The following XRN1 variants were observed in gnomAD, a reference collection of about 807,000 sequenced individuals.
XRN1 encodes the protein 5'-3' exoribonuclease 1.
XRN1 carries 67 observed loss-of-function variants against 222.3 expected under a neutral mutation model. That is an observed-to-expected ratio of 0.30 (90% CI 0.25 to 0.37). The LOEUF (loss-of-function observed/expected upper bound fraction) is 0.37. Among genes scored for constraint, XRN1 ranks in the 10% least tolerant of loss-of-function variants. The pLI, the probability that XRN1 is intolerant of heterozygous loss-of-function variation, is 1.00. For missense variants in XRN1, 1,707 were observed against 2,000.2 expected, an observed-to-expected ratio of 0.85 and a Z score of 2.80; for synonymous variants, 643 against 652.4, an observed-to-expected ratio of 0.99 and a Z score of 0.22.
At chr3:142,441,729 C>T (rs2070223228) in intron 1 of XRN1, among the ~76,000 whole-genome samples, 1 of 152,180 alleles carries the variant, frequency 6.6e-6, no homozygotes, top group Admixed American at 6.5e-5. Context: ...CTTGAAGGGC[C>T]AGTGTTGCGA....
chr3:142,354,929 T>G (rs560484314), intron 32 of XRN1, among the ~76,000 whole-genome samples: 1 of 152,238 alleles, frequency 6.6e-6, no homozygotes, highest in Non-Finnish European at 1.5e-5. Flanking sequence ...TGCAGCAACA[T>G]GGGTGGAACT....
intron 30 of XRN1, among the ~76,000 whole-genome samples, chr3:142,357,930 C>T (rs968680970): frequency 6.6e-6 from 1 of 151,960 alleles, no homozygotes; most frequent in Admixed American, 6.6e-5. Flanking sequence ...CCCAGCTACC[C>T]GGGAGGCTGA....
chr3:142,335,066 C>T (rs2065816834), intron 34 of XRN1, among the ~76,000 whole-genome samples: 1 of 151,926 alleles, frequency 6.6e-6, no homozygotes, highest in South Asian at 2.1e-4. Flanking sequence ...GTCTCGAACT[C>T]CTGACCTCAG....
chr3:142,319,351 A>T lies in XRN1; in HGVS notation c.4405-448T>A, dbSNP rs563709002. 3.9e-5 allele frequency among the ~76,000 whole-genome samples: 6 copies of T among 152,138 alleles called. No individual in the cohort carries two copies. The East Asian group carries it at 1.2e-3, about 29-fold the overall frequency. Reference sequence around the variant, plus strand: ...GACTCTTCACAGAAAAAATTTGCTGACTCATGTTTATACCATCCTTTACTT... The same window carrying T: ...GACTCTTCACAGAAAAAATTTGCTGTCTCATGTTTATACCATCCTTTACTT... On this transcript the variant is annotated intron_variant, in intron 37 of 40. Transcript: ENST00000392981.
Position 142,425,424 on chromosome 3 carries a change from A to C in XRN1, c.516+5T>G. ...TAAACTCTTTAAATAAAAAAAGATA[A>C]TAACCTCATGGCCTGAGAAGTAGAT... is the stretch of plus-strand genomic sequence containing the variant. On this transcript the variant is annotated splice_donor_5th_base_variant and intron_variant, in intron 4 of 40. Transcript: ENST00000392981. The C allele has an allele frequency of 6.2e-7, 1 of 1,603,144 alleles. No individual in the cohort carries two copies. Among genetic ancestry groups the C allele is most frequent in the Non-Finnish European group, 8.5e-7 (1 of 1,174,652 alleles).
At chr3:142,348,795 T>C (rs1242846364) in intron 32 of XRN1, among the ~76,000 whole-genome samples, 1 of 152,128 alleles carries the variant, frequency 6.6e-6, no homozygotes, top group Non-Finnish European at 1.5e-5. Flanking sequence ...TTCAGTTTTT[T>C]AAAAATCTAT....
chr3:142,371,161 C>T (rs976965799), intron 26 of XRN1, 78 bp downstream of exon 26: 27 of 988,030 alleles, frequency 2.7e-5, no homozygotes, highest in East Asian at 2.7e-5. Context: ...ATATGAAATT[C>T]TTGAGAAACC....
At chr3:142,335,404 A>T (rs752151564) in intron 34 of XRN1, 44 bp downstream of exon 34, 1 of 1,562,662 alleles carries the variant, frequency 6.4e-7, no homozygotes, top group Non-Finnish European at 8.8e-7. Flanking sequence ...CACCAATTGC[A>T]TTAAAAAATT....
At position 142,399,399 on chromosome 3, in the gene XRN1, C is replaced by T. The variant is rs113214492; in HGVS notation, c.2207+1045G>A. ...GCAACTGAATATTCATACACAAATACATGAAAGTAGATCTGCCCCTTATAC... is the reference window on the plus strand; with the variant it reads ...GCAACTGAATATTCATACACAAATATATGAAAGTAGATCTGCCCCTTATAC... On this transcript the variant is annotated intron_variant, in intron 19 of 40. Coordinates refer to ENST00000392981, the MANE Select transcript of XRN1 (RefSeq NM_001282857.2). Among the ~76,000 whole-genome samples, 782 of 152,180 alleles carry T rather than the reference C, an allele frequency of 5.1e-3. 9 individuals carry two copies. The highest frequency in any genetic ancestry group is 0.018 in the African/African-American group (759 of 41,540).
chr3:142,344,413 T>C (rs534201941), intron 33 of XRN1, among the ~76,000 whole-genome samples: 1 of 152,032 alleles, frequency 6.6e-6, no homozygotes, highest in Non-Finnish European at 1.5e-5. Context: ...AAGGCAAGGA[T>C]GCATGTTCTC....
At chr3:142,358,437 TG>T (rs1396566026) in intron 30 of XRN1, among the ~76,000 whole-genome samples, 1 of 152,202 alleles carries the variant, frequency 6.6e-6, no homozygotes, top group African/African-American at 2.4e-5. Flanking sequence ...TAGATTTCTA[TG>T]AGAAACCTTT....
intron 22 of XRN1, among the ~76,000 whole-genome samples, chr3:142,380,929 C>T (rs2067282301): frequency 6.6e-6 from 1 of 151,880 alleles, no homozygotes; most frequent in South Asian, 2.1e-4. Flanking sequence ...GCTGGGATTA[C>T]AGGTGTGTGC....
chr3:142,311,286 G>T lies in XRN1; in HGVS notation c.*225C>A. The stretch of plus-strand genomic sequence containing the variant: ...TTTAGTTTTTTATTACAGATTTATT[G>T]AGGTATAATTGACATACAACAAACT... On this transcript the variant is annotated 3_prime_UTR_variant, in exon 41 of 41. Coordinates refer to ENST00000392981, the MANE Select transcript of XRN1 (RefSeq NM_001282857.2). 1 of 351,776 alleles carries T rather than the reference G, an allele frequency of 2.8e-6. No individual in the cohort carries two copies. The allele number at this position is 351,776 out of a possible 1,614,324, so 21.8% of individuals were successfully genotyped here.
chr3:142,314,679 C>A (rs980406708), intron 39 of XRN1, among the ~76,000 whole-genome samples: 1 of 151,570 alleles, frequency 6.6e-6, no homozygotes, highest in African/African-American at 2.4e-5. Flanking sequence ...CCGAGGCTGG[C>A]GGATCCCTTG....
At position 142,365,327 on chromosome 3, in the gene XRN1, G is replaced by A. The variant is rs769692505; in HGVS notation, c.3244C>T (p.Pro1082Ser). Residue 1082 changes from proline to serine, a missense_variant, in exon 28 of 41, where the codon CCC becomes TCC. Transcript: ENST00000392981. ...AAACTTACTCTGTATAGCAAATGGG[G>A]TTTCACTGTTACTCGCACCTTCTTA... The part of the protein sequence containing the change: ...NNKKVRVTVK[P>S]HLLYRPLEQQ... 6 of 1,586,410 alleles carry A rather than the reference G, an allele frequency of 3.8e-6. No individual in the cohort carries two copies. In the South Asian group the frequency reaches 6.0e-5, roughly 16 times the overall value.
chr3:142,326,428 G>A (rs369504962), intron 37 of XRN1, among the ~76,000 whole-genome samples: 2 of 151,724 alleles, frequency 1.3e-5, no homozygotes, highest in African/African-American at 4.8e-5. Context: ...ATTCTGCAGG[G>A]GATTAATTTC....
chr3:142,343,893 C>T (rs1015315820), intron 33 of XRN1, among the ~76,000 whole-genome samples: 1 of 152,116 alleles, frequency 6.6e-6, no homozygotes, highest in South Asian at 2.1e-4. Context: ...CAATGGAGTA[C>T]TATTCGGCCA....
At chr3:142,320,853 C>G (rs879286857) in intron 37 of XRN1, among the ~76,000 whole-genome samples, 13 of 151,924 alleles carry the variant, frequency 8.6e-5, no homozygotes, top group Admixed American at 2.0e-4. Context: ...ACAATTTGTC[C>G]ATGTTTTCTT....
intron 37 of XRN1, among the ~76,000 whole-genome samples, chr3:142,323,513 T>C (rs1041797507): frequency 1.5e-4 from 23 of 152,198 alleles, no homozygotes; most frequent in African/African-American, 5.3e-4. Flanking sequence ...TATTAAAGTA[T>C]AGCCAAAACT....
Sources: allele counts gnomAD v4.1 joint callset (sites outside exome capture counted in the v4.1 genomes callset), GRCh38; gene constraint gnomAD v4.1.1; transcripts MANE v1.5; gene names NCBI Gene and HGNC (gene_info 2026-07-23, HGNC 2026-07-21).